The following BBS9 variants were observed in gnomAD, a reference collection of about 807,000 sequenced individuals.
The protein encoded by BBS9 is protein PTHB1.
In BBS9, 89 loss-of-function variants were observed where a neutral mutation model predicts 117.7. That is an observed-to-expected ratio of 0.76 (90% CI 0.64 to 0.90). The LOEUF (loss-of-function observed/expected upper bound fraction) is 0.90, where lower values mean the gene tolerates loss of function less well. BBS9 is among the 40% of genes least tolerant of loss of function. The pLI is 0.00. For synonymous variants in BBS9, 379 were observed against 370.9 expected (o/e 1.02, Z -0.25); for missense variants, 982 against 1,042.2 (o/e 0.94, Z 0.80).
intron 6 of BBS9, among the ~76,000 whole-genome samples, chr7:33,261,294 A>C (rs1036003061): frequency 6.6e-6 from 1 of 152,156 alleles, no homozygotes; most frequent in Non-Finnish European, 1.5e-5. Flanking sequence ...TTTCTCCTTG[A>C]CTAAGCTCAG....
At position 33,218,559 on chromosome 7, in the gene BBS9, C is replaced by T. The variant is rs141257802; in HGVS notation, c.443-38677C>T. Among the ~76,000 whole-genome samples, 711 of 152,226 alleles carry T rather than the reference C, an allele frequency of 4.7e-3. 8 individuals carry two copies. The highest frequency in any genetic ancestry group is 0.016 in the African/African-American group (674 of 41,550). ...ACCACATGTGGCATTGGGAGATAGG[C>T]GAGTATTCAGAAGTAGTTACAGAAG... On this transcript the variant is annotated intron_variant, in intron 5 of 22. Transcript: ENST00000242067.
chr7:33,625,584 C>A (rs527867963), intron 21 of BBS9, among the ~76,000 whole-genome samples: 1 of 152,296 alleles, frequency 6.6e-6, no homozygotes, highest in East Asian at 1.9e-4. Context: ...AAGGGTCAGG[C>A]TCCCTTTGCA....
chr7:33,374,156 G>T (rs1823371183), intron 17 of BBS9, among the ~76,000 whole-genome samples: 1 of 152,120 alleles, frequency 6.6e-6, no homozygotes, highest in Non-Finnish European at 1.5e-5. Context: ...CCAAAGGATT[G>T]AAACTCGATA....
chr7:33,580,224 G>A (rs528133893), intron 21 of BBS9, among the ~76,000 whole-genome samples: 10 of 151,782 alleles, frequency 6.6e-5, no homozygotes, highest in African/African-American at 1.5e-4. Context: ...ACTCCAGCAC[G>A]GTACCCTCTT....
chr7:33,313,573 C>T (rs1176745416), intron 9 of BBS9, among the ~76,000 whole-genome samples: 2 of 152,140 alleles, frequency 1.3e-5, no homozygotes, highest in Non-Finnish European at 1.5e-5. Context: ...GATACACAAA[C>T]ATTTCTTTAC....
intron 21 of BBS9, among the ~76,000 whole-genome samples, chr7:33,620,774 T>A (rs1371643468): frequency 1.3e-5 from 2 of 152,122 alleles, no homozygotes; most frequent in East Asian, 3.9e-4. Flanking sequence ...AGACTCTAAA[T>A]AGCCAAAGCA....
chr7:33,595,252 C>T (rs894160886), intron 21 of BBS9, among the ~76,000 whole-genome samples: 9 of 152,100 alleles, frequency 5.9e-5, no homozygotes, highest in Admixed American at 5.2e-4. Context: ...ATCGGAGTAA[C>T]AGGCAATGTA....
rs568349164 is a variant in BBS9 at position 33,605,946 on chromosome 7, A to G, written c.*720A>G. On this transcript the variant is annotated 3_prime_UTR_variant, in exon 23 of 23. Transcript: ENST00000242067. ...AAATCCAGGTTATTAAAGGATTCAC[A>G]CTTTATTACAGTTAAAATTTAAGGT... 4.8e-4 allele frequency: 73 copies of G among 152,344 alleles called. No individual in the cohort carries two copies. Among genetic ancestry groups the G allele is most frequent in the African/African-American group, 1.6e-3 (65 of 41,578 alleles). 9.4% of individuals were successfully genotyped at this position (152,344 alleles called of 1,614,324 possible).
intron 5 of BBS9, among the ~76,000 whole-genome samples, chr7:33,221,095 G>T (rs1158667757): frequency 2.6e-5 from 4 of 152,170 alleles, no homozygotes; most frequent in Admixed American, 6.5e-5. Flanking sequence ...CTGAGGCCCA[G>T]CTCTGCTGGT....
At chr7:33,377,009 T>C (rs1824020022) in intron 17 of BBS9, among the ~76,000 whole-genome samples, 1 of 152,216 alleles carries the variant, frequency 6.6e-6, no homozygotes. Context: ...CTGTATACTC[T>C]GTTGATAGTT....
intron 19 of BBS9, among the ~76,000 whole-genome samples, chr7:33,478,958 C>T (rs1842164717): frequency 6.9e-6 from 1 of 145,538 alleles, no homozygotes; most frequent in South Asian, 2.2e-4. Context: ...GATAATGTTA[C>T]TTTACTGTTC....
At chr7:33,183,523 A>T (rs1209516030) in intron 5 of BBS9, among the ~76,000 whole-genome samples, 1 of 152,136 alleles carries the variant, frequency 6.6e-6, no homozygotes, top group Admixed American at 6.6e-5. Flanking sequence ...AACAGACAAT[A>T]TTTCTGGCTT....
intron 19 of BBS9, among the ~76,000 whole-genome samples, chr7:33,484,645 G>T (rs1842862633): frequency 6.6e-6 from 1 of 152,172 alleles, no homozygotes; most frequent in African/African-American, 2.4e-5. Flanking sequence ...AACAACAGAT[G>T]CTGGCGAGGT....
At chr7:33,610,735 C>G (rs67877816), downstream of BBS9, among the ~76,000 whole-genome samples, 835 of 152,182 alleles carry the variant, frequency 5.5e-3, 6 homozygotes, top group Middle Eastern at 0.014. Flanking sequence ...TACTATAGGT[C>G]TTCTTAAGTT....
At chr7:33,386,211 A>T (rs1406611665) in intron 18 of BBS9, among the ~76,000 whole-genome samples, 1 of 152,172 alleles carries the variant, frequency 6.6e-6, no homozygotes, top group Non-Finnish European at 1.5e-5. Flanking sequence ...AATACACTTT[A>T]AAAAAGTTAA....
At chr7:33,263,975 T>C (rs543456032) in intron 6 of BBS9, among the ~76,000 whole-genome samples, 198 of 152,180 alleles carry the variant, frequency 1.3e-3, no homozygotes, top group Middle Eastern at 3.4e-3. Context: ...ATTTGGTGTT[T>C]AGGTGCTAGA....
chr7:33,429,237 T>C (rs1456982478), intron 19 of BBS9, among the ~76,000 whole-genome samples: 3 of 152,136 alleles, frequency 2.0e-5, no homozygotes, highest in Non-Finnish European at 4.4e-5. Flanking sequence ...TTTATAATTT[T>C]GTGTTGCCAC....
chr7:33,614,296 C>T (rs139974381), intron 21 of BBS9, among the ~76,000 whole-genome samples: 63 of 152,146 alleles, frequency 4.1e-4, no homozygotes, highest in African/African-American at 1.3e-3. Flanking sequence ...AATACAATAA[C>T]GTGACACATG....
chr7:33,222,952 CAAA>C (rs1417016025), intron 5 of BBS9, among the ~76,000 whole-genome samples: 5 of 125,522 alleles, frequency 4.0e-5, no homozygotes, highest in Non-Finnish European at 3.4e-5. Flanking sequence ...GACCCTGTCT[CAAA>C]AAAAAAAAAA....
Sources: gnomAD v4.1 joint callset for allele counts (sites outside exome capture counted in the v4.1 genomes callset) on GRCh38, gnomAD v4.1.1 for gene constraint, MANE v1.5 for transcripts, NCBI Gene and HGNC (gene_info 2026-07-23, HGNC 2026-07-21) for gene names.